Variants in ATRX observed in about 807,000 individuals in gnomAD.
ATRX encodes chromatin remodeler ATRX.
ATRX carries 12 observed loss-of-function variants against 172.6 expected under a neutral mutation model. The observed-to-expected ratio is 0.07, with a 90% CI of 0.04 to 0.11. ATRX has a LOEUF of 0.11. ATRX is among the 10% of genes least tolerant of loss of function. The probability of loss-of-function intolerance (pLI) is 1.00; values close to 1 mark genes in which losing one functional copy is unlikely to be tolerated. For missense variants in ATRX, 1,368 were observed against 1,767.4 expected (o/e 0.77, Z 4.05); for synonymous variants, 674 against 594.7 (o/e 1.13, Z -1.94).
At chrX:77,773,150 A>G (rs1557200212) in intron 1 of ATRX, among the ~76,000 whole-genome samples, 1 of 105,773 alleles carries the variant, frequency 9.5e-6, no homozygotes, top group Non-Finnish European at 1.9e-5. Context: ...TGTTGGATGC[A>G]CTATAGTATA....
chrX:77,772,509 G>A (rs1557199745), intron 1 of ATRX, among the ~76,000 whole-genome samples: 3 of 103,107 alleles, frequency 2.9e-5, no homozygotes, highest in African/African-American at 7.1e-5. Context: ...ACAGAGTCTC[G>A]TTCTGTCTCC....
At position 77,722,771 on chromosome X, in the gene ATRX, C is replaced by A. The variant is rs782486641; in HGVS notation, c.21-5528G>T. Among the ~76,000 whole-genome samples, 12 of 111,684 alleles carry A rather than the reference C, an allele frequency of 1.1e-4. No individual in the cohort carries two copies. In the East Asian group the frequency reaches 3.4e-3, roughly 31 times the overall value. On this transcript the variant is annotated intron_variant, in intron 1 of 34. Coordinates refer to ENST00000373344, the MANE Select transcript of ATRX (RefSeq NM_000489.6). ...GGGTAAATTAGTTCAACCATCGTGG[C>A]AGACAGTGTGGCGATTCCTCAAGGA...
At chrX:77,772,156 G>A (rs2076172543) in intron 1 of ATRX, among the ~76,000 whole-genome samples, 1 of 109,102 alleles carries the variant, frequency 9.2e-6, no homozygotes, top group Non-Finnish European at 1.9e-5. Context: ...AAATTAGCTG[G>A]GCACGGTGGC....
intron 30 of ATRX, among the ~76,000 whole-genome samples, chrX:77,537,059 A>G (rs1319554481): frequency 1.8e-5 from 2 of 112,031 alleles, no homozygotes. Context: ...AATGTGATGG[A>G]GAAACTGATT....
At chrX:77,541,920 C>T (rs2064013752) in intron 30 of ATRX, among the ~76,000 whole-genome samples, 1 of 111,510 alleles carries the variant, frequency 9.0e-6, no homozygotes, top group Non-Finnish European at 1.9e-5. Flanking sequence ...GACAAGGATG[C>T]CCTCTCTCAT....
intron 6 of ATRX, among the ~76,000 whole-genome samples, chrX:77,690,386 T>G (rs1033533257): frequency 8.9e-6 from 1 of 112,422 alleles, no homozygotes; most frequent in Non-Finnish European, 1.9e-5. Context: ...AAAACGTTAA[T>G]GTATAAGAAC....
rs1557085912 is a variant in ATRX, at chrX:77,599,567, C to T, written c.5800G>A (p.Gly1934Arg). 1.7e-6 allele frequency: 2 copies of T among 1,209,166 alleles called. No homozygotes were observed. The highest frequency in any genetic ancestry group is 3.0e-5 in the East Asian group (1 of 33,746). Residue 1934 changes from glycine (G) to arginine (R), a missense_variant, in exon 25 of 35, where the codon GGG becomes AGG. Coordinates refer to ENST00000373344, the MANE Select transcript of ATRX (RefSeq NM_000489.6). ...CTACTATCTTTTTTCCCCTTTTTCC[C>T]TTTTTTCTTCTTTCTAAAAACAAAC... ...SDDYTKKKKK[G>R]KKGKKDSSSS...
intron 1 of ATRX, among the ~76,000 whole-genome samples, chrX:77,732,580 C>T (rs2074343920): frequency 9.0e-6 from 1 of 111,675 alleles, no homozygotes; most frequent in African/African-American, 3.3e-5. Flanking sequence ...GATCATTCAT[C>T]GTAACCAGGT....
chrX:77,522,414 T>C lies in ATRX; in HGVS notation c.6850-26A>G, dbSNP rs782324358. 4 of 1,205,852 alleles carry C rather than the reference T, an allele frequency of 3.3e-6. No homozygotes were observed. In the South Asian group the frequency reaches 7.0e-5, roughly 21 times the overall value. ...CTAAAAACAAAAAAATTATGCACTT[T>C]TCACATTGTGATTTAAAACTTGAAA... On this transcript the variant is annotated intron_variant, in intron 31 of 34. Coordinates refer to ENST00000373344, the MANE Select transcript of ATRX (RefSeq NM_000489.6).
chrX:77,767,421 A>G (rs1475881864), intron 1 of ATRX, among the ~76,000 whole-genome samples: 3 of 110,231 alleles, frequency 2.7e-5, no homozygotes, highest in Non-Finnish European at 5.7e-5. Context: ...TTTGAGACAG[A>G]GTCTCGCTCT....
chrX:77,760,991 A>T (rs1189907139), intron 1 of ATRX, among the ~76,000 whole-genome samples: 1 of 112,097 alleles, frequency 8.9e-6, no homozygotes, highest in Non-Finnish European at 1.9e-5. Flanking sequence ...AAGTAAGGAT[A>T]AAAACTGATG....
intron 15 of ATRX, among the ~76,000 whole-genome samples, chrX:77,637,152 A>G (rs1484057301): frequency 3.6e-5 from 4 of 112,014 alleles, no homozygotes; most frequent in Non-Finnish European, 5.6e-5. Flanking sequence ...ACTGAAAAAC[A>G]CTGTAAATAC....
At chrX:77,779,351 T>C (rs1334402872) in intron 1 of ATRX, among the ~76,000 whole-genome samples, 1 of 110,320 alleles carries the variant, frequency 9.1e-6, no homozygotes, top group Non-Finnish European at 1.9e-5. Flanking sequence ...TATCACTTTA[T>C]ATCTTGCACC....
intron 6 of ATRX, chrX:77,691,417 G>C (rs1349410558): frequency 1.8e-5 from 2 of 111,524 alleles, no homozygotes; most frequent in African/African-American, 3.3e-5. Context: ...AAATGGAAAA[G>C]AGGCATTTTC....
intron 1 of ATRX, among the ~76,000 whole-genome samples, chrX:77,762,680 T>C (rs895001211): frequency 4.5e-5 from 5 of 110,163 alleles, no homozygotes; most frequent in Non-Finnish European, 9.5e-5. Flanking sequence ...GTTACATCAA[T>C]GGAGAGTTGG....
chrX:77,717,299 A>C (rs1046621457), intron 1 of ATRX, 56 bp from the exon 2 acceptor site: 1 of 967,815 alleles, frequency 1.0e-6, no homozygotes, highest in Non-Finnish European at 1.5e-6. Context: ...TTTTAAATTA[A>C]TTGTAAAGCT....
chrX:77,779,568 G>A (rs1171038667), intron 1 of ATRX, among the ~76,000 whole-genome samples: 2 of 111,160 alleles, frequency 1.8e-5, no homozygotes, highest in Admixed American at 9.7e-5. Flanking sequence ...GATCCCTAGC[G>A]CAATCAATAT....
rs941607383 is a variant in ATRX, at chrX:77,608,341, C to G, written c.5567-7777G>C. The stretch of plus-strand genomic sequence containing the variant: ...CCGAGATTGCACCACTGCACTCCAG[C>G]CTGGACAACAGAGCGAGACCCCGTC... On this transcript the variant is annotated intron_variant, in intron 22 of 34. Coordinates refer to ENST00000373344, the MANE Select transcript of ATRX (RefSeq NM_000489.6). Among the ~76,000 whole-genome samples, 4 of 102,924 alleles carry G rather than the reference C, an allele frequency of 3.9e-5. No homozygotes were observed. The Admixed American group carries it at 4.2e-4, about 11-fold the overall frequency. The allele number at this position is 102,924 out of a possible 115,157, so 89.4% of individuals were successfully genotyped here. A position where few individuals can be genotyped will look rare whatever the true frequency, so the allele number is the denominator to read the frequency against.
rs2147951342 is a variant in ATRX, at chrX:77,558,907, A to C, written c.6327-61T>G. On this transcript the variant is annotated intron_variant, in intron 28 of 34. Coordinates refer to ENST00000373344, the MANE Select transcript of ATRX (RefSeq NM_000489.6). ...TTAGTACTTTACAAATATTTTAATT[A>C]CAATATGACTTTTTGATACTTAGTT... 7 of 952,086 alleles carry C rather than the reference A, an allele frequency of 7.4e-6. No homozygotes were observed. In the South Asian group the frequency reaches 8.6e-5, roughly 12 times the overall value. The allele number at this position is 952,086 out of a possible 1,213,427, so 78.5% of individuals were successfully genotyped here.
Sources: allele counts gnomAD v4.1 joint callset (sites outside exome capture counted in the v4.1 genomes callset), GRCh38; gene constraint gnomAD v4.1.1; transcripts MANE v1.5; gene names NCBI Gene and HGNC (gene_info 2026-07-23, HGNC 2026-07-21).